CUX2: variants seen among roughly 807,000 people sequenced by gnomAD.
CUX2 encodes the protein homeobox protein cut-like 2.
In CUX2, 40 loss-of-function variants were observed where a neutral mutation model predicts 144.8. The ratio of observed to expected loss-of-function variants is 0.28; its 90% confidence interval spans 0.21 to 0.36. The LOEUF is 0.36. Among genes scored for constraint, CUX2 ranks in the 10% least tolerant of loss-of-function variants. The pLI, the probability that CUX2 is intolerant of heterozygous loss-of-function variation, is 1.00. For missense variants in CUX2, 1,615 were observed against 1,994.0 expected, an observed-to-expected ratio of 0.81 and a Z score of 3.62; for synonymous variants, 827 against 875.6, an observed-to-expected ratio of 0.94 and a Z score of 0.98.
intron 16 of CUX2, among the ~76,000 whole-genome samples, chr12:111,317,407 C>CAT (rs60528105): frequency 0.38 from 57,160 of 151,606 alleles, 14,711 homozygotes; most frequent in East Asian, 0.79. Context: ...TACACACGTG[C>CAT]ATATATATAT....
rs1183051308 is a variant in CUX2 at position 111,320,180 on chromosome 12, C to T, written c.2171C>T (p.Pro724Leu). ...GTGGCGCCCAGGGGCCGCTCGGTGC[C>T]CCCCTCGCCCCCGGAGCGGCCATCA... Reference protein sequence around the residue: ...MEVAPRGRSVPPSPPERPSLA... With the variant: ...MEVAPRGRSVLPSPPERPSLA... Residue 724 changes from proline (P) to leucine (L), a missense_variant, in exon 17 of 22, where the codon CCC becomes CTC. Around this residue, in one of 12 missense-constraint regions of CUX2, gnomAD observed 390 missense variants for 387.1 expected, o/e 1.01. Coordinates refer to ENST00000261726, the MANE Select transcript of CUX2 (RefSeq NM_015267.4). This position sits in a 1 kb window ranked among gnomAD's most constrained non-coding sequence, Gnocchi z 8.1. 2.0e-6 allele frequency: 3 copies of T among 1,529,854 alleles called. No individual in the cohort carries two copies. The South Asian group carries it at 3.6e-5, about 19-fold the overall frequency. 94.8% of individuals were successfully genotyped at this position (1,529,854 alleles called of 1,614,324 possible).
At chr12:111,258,675 G>A (rs1883958265) in intron 3 of CUX2, among the ~76,000 whole-genome samples, 1 of 152,078 alleles carries the variant, frequency 6.6e-6, no homozygotes, top group African/African-American at 2.4e-5. Flanking sequence ...TTCACACTGA[G>A]TGCCAGTCCA....
At position 111,304,811 on chromosome 12, in the gene CUX2, T is replaced by C. The variant is rs538108296; in HGVS notation, c.858+497T>C. On this transcript the variant is annotated intron_variant, in intron 10 of 21. Transcript: ENST00000261726. The surrounding 1 kb of genome is among the most constrained non-coding windows in gnomAD (Gnocchi z 4.7). ...GGGATGGTGATGCCCCTGCTGGTTT[T>C]CAGTCCCAAAACTGGGTACTTTTAG... 3.9e-4 allele frequency among the ~76,000 whole-genome samples: 59 copies of C among 152,314 alleles called. No individual in the cohort carries two copies. Among genetic ancestry groups the C allele is most frequent in the African/African-American group, 1.3e-3 (56 of 41,566 alleles).
chr12:111,286,328 A>G (rs1419971006), intron 4 of CUX2, among the ~76,000 whole-genome samples: 1 of 152,146 alleles, frequency 6.6e-6, no homozygotes, highest in Non-Finnish European at 1.5e-5. Flanking sequence ...CATTTTACAG[A>G]TGAGGAAACA....
intron 3 of CUX2, among the ~76,000 whole-genome samples, chr12:111,239,984 C>T (rs1370607749): frequency 1.3e-5 from 2 of 152,186 alleles, no homozygotes; most frequent in East Asian, 1.9e-4. Flanking sequence ...AACAAAAATG[C>T]GGCCAAGTGA....
At chr12:111,053,898 T>C (rs1391359136) in intron 1 of CUX2, among the ~76,000 whole-genome samples, 1 of 152,254 alleles carries the variant, frequency 6.6e-6, no homozygotes, top group Non-Finnish European at 1.5e-5. Flanking sequence ...CTCACGCCTG[T>C]AATCCTAACG....
At chr12:111,067,497 A>G (rs916725778) in intron 1 of CUX2, among the ~76,000 whole-genome samples, 3 of 152,180 alleles carry the variant, frequency 2.0e-5, no homozygotes, top group African/African-American at 7.2e-5. Context: ...CTCTCTCTTT[A>G]TCGTTTGATT....
intron 4 of CUX2, among the ~76,000 whole-genome samples, chr12:111,265,722 GA>G (rs1374378800): frequency 3.3e-5 from 5 of 152,132 alleles, no homozygotes; most frequent in Non-Finnish European, 7.4e-5. Context: ...CCAAAGAGTT[GA>G]AATGATCTGC....
At chr12:111,221,218 G>C (rs73415984) in intron 3 of CUX2, among the ~76,000 whole-genome samples, 56 of 152,238 alleles carry the variant, frequency 3.7e-4, no homozygotes, top group African/African-American at 1.3e-3. Flanking sequence ...CATTTGTCTG[G>C]AATTTTATTC....
intron 1 of CUX2, among the ~76,000 whole-genome samples, chr12:111,180,862 C>T (rs1879122548): frequency 6.6e-6 from 1 of 152,236 alleles, no homozygotes; most frequent in African/African-American, 2.4e-5. Flanking sequence ...AGAACCCTTT[C>T]TGTAAAAATA....
chr12:111,193,796 C>T (rs897291499), intron 1 of CUX2, among the ~76,000 whole-genome samples: 14 of 152,170 alleles, frequency 9.2e-5, no homozygotes, highest in Admixed American at 8.5e-4. Context: ...CGGGGGAAGC[C>T]GGCTGCGATG....
chr12:111,234,474 A>G (rs574766599), intron 3 of CUX2, among the ~76,000 whole-genome samples: 1 of 152,310 alleles, frequency 6.6e-6, no homozygotes, highest in South Asian at 2.1e-4. Context: ...CTTAAAAAAA[A>G]GCCAGTGTGC....
chr12:111,128,050 G>T (rs2136105678), intron 1 of CUX2, among the ~76,000 whole-genome samples: 2 of 152,286 alleles, frequency 1.3e-5, no homozygotes, highest in South Asian at 4.1e-4. Context: ...ATAGTGAGTG[G>T]TGCCACTCCC....
chr12:111,063,844 C>G (rs1870909724), intron 1 of CUX2, among the ~76,000 whole-genome samples: 1 of 152,190 alleles, frequency 6.6e-6, no homozygotes, highest in South Asian at 2.1e-4. Flanking sequence ...TCCATATGAG[C>G]CATTCTGGGC....
chr12:111,099,408 G>T (rs534888279), intron 1 of CUX2: 1 of 382,050 alleles, frequency 2.6e-6, no homozygotes, highest in Non-Finnish European at 5.2e-6. Flanking sequence ...TTCTTAAACC[G>T]TTATGTGGTT....
intron 3 of CUX2, among the ~76,000 whole-genome samples, chr12:111,226,472 C>T (rs898397212): frequency 3.9e-5 from 6 of 152,220 alleles, no homozygotes; most frequent in African/African-American, 9.6e-5. Flanking sequence ...CAGCAATCCT[C>T]TTTCATTCAG....
intron 1 of CUX2, among the ~76,000 whole-genome samples, chr12:111,191,049 A>G (rs935168657): frequency 6.6e-6 from 1 of 152,164 alleles, no homozygotes; most frequent in Non-Finnish European, 1.5e-5. Flanking sequence ...GTAGAGGGGC[A>G]AAACTTGGAG....
In CUX2 at chr12:111,203,902, C is replaced by A. The variant is rs560838821; in HGVS notation, c.64-10298C>A. Among the ~76,000 whole-genome samples the A allele has an allele frequency of 2.6e-5, 4 of 152,300 alleles. No homozygotes were observed. The South Asian group carries it at 8.3e-4, about 32-fold the overall frequency. Reference sequence around the variant, plus strand: ...TGTTAGATCAGGCTGACAAGATTTGCCAATTTACATCAGCCTGATGATACC... The same window carrying A: ...TGTTAGATCAGGCTGACAAGATTTGACAATTTACATCAGCCTGATGATACC... On this transcript the variant is annotated intron_variant, in intron 1 of 21. Coordinates refer to ENST00000261726, the MANE Select transcript of CUX2 (RefSeq NM_015267.4).
At chr12:111,272,599 G>T (rs1285345502) in intron 4 of CUX2, among the ~76,000 whole-genome samples, 1 of 152,096 alleles carries the variant, frequency 6.6e-6, no homozygotes, top group Non-Finnish European at 1.5e-5. Context: ...CGAGTAGCTG[G>T]GATTACAGGC....
Sources: gnomAD v4.1 joint callset for allele counts (sites outside exome capture counted in the v4.1 genomes callset) on GRCh38, gnomAD v4.1.1 for gene constraint, gnomAD v4.1.1 regional missense constraint, Gnocchi (gnomAD v3.1) non-coding constraint, MANE v1.5 for transcripts, NCBI Gene and HGNC (gene_info 2026-07-23, HGNC 2026-07-21) for gene names.